ELP1: variants seen among roughly 807,000 people sequenced by gnomAD.
ELP1 encodes the protein elongator acetyltransferase complex subunit 1.
Under a neutral mutation model 183.2 loss-of-function variants are expected in ELP1, and 131 were observed. That is an observed-to-expected ratio of 0.72 (90% CI 0.62 to 0.83). The LOEUF (loss-of-function observed/expected upper bound fraction) is 0.83, where lower values mean the gene tolerates loss of function less well. Among genes scored for constraint, ELP1 ranks in the 40% least tolerant of loss-of-function variants. The probability of loss-of-function intolerance (pLI) is 0.00; values close to 1 mark genes in which losing one functional copy is unlikely to be tolerated. For synonymous variants in ELP1, 555 were observed against 569.0 expected, an observed-to-expected ratio of 0.98 and a Z score of 0.35; for missense variants, 1,550 against 1,594.9, an observed-to-expected ratio of 0.97 and a Z score of 0.48.
Position 108,872,804 on chromosome 9 carries a change from G to GA in ELP1, c.3931+2090dup, listed in dbSNP as rs58139943. On this transcript the variant is annotated intron_variant, in intron 36 of 36. Transcript: ENST00000374647. ...TGGGCCACAGAGCAAGACTCTGTCT[G>GA]AAAAAAAAAAAAAAAAAAAAAAAAA... is the stretch of plus-strand genomic sequence containing the variant. Among the ~76,000 whole-genome samples the GA allele has an allele frequency of 3.1e-3, 255 of 83,328 alleles. 10 individuals are homozygous for GA. Among genetic ancestry groups the GA allele is most frequent in the South Asian group, 6.4e-3 (14 of 2,194 alleles). The allele number at this position is 83,328 out of a possible 152,430, so 54.7% of individuals were successfully genotyped here.
chr9:108,872,571 G>C (rs552857271), intron 36 of ELP1, among the ~76,000 whole-genome samples: 1 of 151,882 alleles, frequency 6.6e-6, no homozygotes. Flanking sequence ...TTGGGAGGCC[G>C]AGGCGGGTGG....
chr9:108,906,429 A>T lies in ELP1; in HGVS notation c.1517T>A (p.Leu506His), dbSNP rs1417134412. 1 of 1,613,966 alleles carries T rather than the reference A, an allele frequency of 6.2e-7. No homozygotes were observed. The highest frequency in any genetic ancestry group is 8.5e-7 in the Non-Finnish European group (1 of 1,179,924). Residue 506 changes from leucine (L) to histidine (H), a missense_variant, in exon 14 of 37, where the codon CTC becomes CAC. By Grantham distance (99) the Leu-to-His change is moderately conservative. Coordinates refer to ENST00000374647, the MANE Select transcript of ELP1 (RefSeq NM_003640.5). Reference protein sequence around the residue: ...QDVNPLKLGLLTWIEEDVFLA... With the variant: ...QDVNPLKLGLHTWIEEDVFLA... ...GAAGACGTCTTCTTCAATCCAAGTG[A>T]GAAGGCCTAGTTTCAGCGGGTTTAC...
At chr9:108,905,868 T>TATACACAC in intron 14 of ELP1, among the ~76,000 whole-genome samples, 1 of 148,064 alleles carries the variant, frequency 6.8e-6, no homozygotes, top group South Asian at 2.2e-4. Context: ...AAGGTATGTA[T>TATACACAC]ACACACACAC....
In ELP1 at chr9:108,869,164, G is replaced by A. The variant is rs1231640330; in HGVS notation, c.3950C>T (p.Pro1317Leu). 1.2e-6 allele frequency: 2 copies of A among 1,613,902 alleles called. No individual in the cohort carries two copies. The highest frequency in any genetic ancestry group is 1.7e-6 in the Non-Finnish European group (2 of 1,179,950). Residue 1317 changes from proline (P) to leucine (L), a missense_variant, in exon 37 of 37, where the codon CCA becomes CTA. Physicochemically the swap from Pro to Leu is moderately conservative, Grantham distance 98. Coordinates refer to ENST00000374647, the MANE Select transcript of ELP1 (RefSeq NM_003640.5). Reference protein sequence around the residue: ...VPVLDAELFIPPKINRRTQWK... With the variant: ...VPVLDAELFILPKINRRTQWK... Reference sequence around the variant, plus strand: ...CTGGGTTCTTCTGTTGATCTTTGGTGGTATAAAAAGCTCAGCATCTAAAAG... The same window carrying A: ...CTGGGTTCTTCTGTTGATCTTTGGTAGTATAAAAAGCTCAGCATCTAAAAG...
At chr9:108,904,671 T>C (rs2793328) in intron 14 of ELP1, among the ~76,000 whole-genome samples, 78,044 of 152,032 alleles carry the variant, frequency 0.51, 20,332 homozygotes, top group East Asian at 0.59. Context: ...AGGCAAGTTA[T>C]CTAACTGCTC....
At chr9:108,910,795 G>A (rs1829184104) in intron 12 of ELP1, among the ~76,000 whole-genome samples, 2 of 149,964 alleles carry the variant, frequency 1.3e-5, no homozygotes, top group South Asian at 4.2e-4. Flanking sequence ...AGTCAGTAAG[G>A]GAAAAGGAAT....
rs769900761 is a variant in ELP1 at position 108,911,065 on chromosome 9, C to T, written c.1305G>A (p.Lys435=). The T allele has an allele frequency of 8.1e-6, 13 of 1,613,956 alleles. No individual in the cohort carries two copies. The highest frequency in any genetic ancestry group is 1.3e-5 in the African/African-American group (1 of 74,888). ...CATCTAGAACAGCAAGGTCATTACT[C>T]TTTTGAGGGTGTGCTAAGAATGTGA... The part of the protein sequence containing the change: ...NQVTFLAHPQ[K]SNDLAVLDAS... The change falls in exon 12 of 37, where the codon AAG becomes AAA. Residue 435 remains lysine, a synonymous_variant. Transcript: ENST00000374647.
chr9:108,928,150 A>G (rs775446302), intron 3 of ELP1, among the ~76,000 whole-genome samples: 4 of 152,226 alleles, frequency 2.6e-5, no homozygotes, highest in Admixed American at 6.5e-5. Flanking sequence ...GCCCATAAAT[A>G]TATGTACCTA....
chr9:108,885,715 C>T (rs1828099070), intron 29 of ELP1, among the ~76,000 whole-genome samples: 1 of 152,180 alleles, frequency 6.6e-6, no homozygotes. Context: ...GAGGCTAAAA[C>T]CAGGGAAAGC....
rs568224876 is a variant in ELP1 at position 108,898,260 on chromosome 9, G to A, written c.2363+242C>T. ...CTAGGAAAAACAAGTAGTTTTATAT[G>A]TATACCTAAAAATCAAGTGAAATAA... On this transcript the variant is annotated intron_variant, in intron 22 of 36. Transcript: ENST00000374647. 2.6e-5 allele frequency among the ~76,000 whole-genome samples: 4 copies of A among 152,266 alleles called. No individual in the cohort carries two copies. In the South Asian group the frequency reaches 6.2e-4, roughly 24 times the overall value.
rs1486667168 is a variant in ELP1 at position 108,901,794 on chromosome 9, T to C, written c.1855-113A>G. On this transcript the variant is annotated intron_variant, in intron 16 of 36. Coordinates refer to ENST00000374647, the MANE Select transcript of ELP1 (RefSeq NM_003640.5). ...TGATTTCACACCTAAGTTCCTGTAA[T>C]CAGGACTAAAGATAGATACCTAAGA... is the stretch of plus-strand genomic sequence containing the variant. The C allele has an allele frequency of 3.9e-6, 4 of 1,026,782 alleles. No individual in the cohort carries two copies. The East Asian group carries it at 1.0e-4, about 26-fold the overall frequency. 63.6% of individuals were successfully genotyped at this position (1,026,782 alleles called of 1,614,324 possible).
At chr9:108,914,081 A>G (rs1829334891) in intron 10 of ELP1, among the ~76,000 whole-genome samples, 1 of 152,154 alleles carries the variant, frequency 6.6e-6, no homozygotes, top group South Asian at 2.1e-4. Context: ...TGAATGAATA[A>G]TGAGTTTCTT....
intron 3 of ELP1, among the ~76,000 whole-genome samples, chr9:108,927,989 C>T (rs905057923): frequency 1.3e-5 from 2 of 152,090 alleles, no homozygotes; most frequent in African/African-American, 4.8e-5. Context: ...AAGGTAACTA[C>T]AGTCAACAGT....
At position 108,897,204 on chromosome 9, in the gene ELP1, T is replaced by C. The variant is rs1269920432; in HGVS notation, c.2445A>G (p.Lys815=). The change falls in exon 23 of 37, where the codon AAA becomes AAG. Residue 815 remains lysine, a synonymous_variant. Coordinates refer to ENST00000374647, the MANE Select transcript of ELP1 (RefSeq NM_003640.5). ...VYLSRDPDGN[K]IDLVCDAMRA... is the part of the protein sequence containing the mutation. ...TCATAGCATCGCAGACAAGGTCTATTTTATTCCCGTCAGGATCCCTGGACA... is the reference window on the plus strand; with the variant it reads ...TCATAGCATCGCAGACAAGGTCTATCTTATTCCCGTCAGGATCCCTGGACA... The C allele has an allele frequency of 1.2e-6, 2 of 1,614,026 alleles. No individual in the cohort carries two copies. Among genetic ancestry groups the C allele is most frequent in the African/African-American group, 2.7e-5 (2 of 74,908 alleles).
Position 108,906,455 on chromosome 9 carries a change from A to G in ELP1, c.1491T>C (p.Asp497=), listed in dbSNP as rs775020540. 76 of 1,613,856 alleles carry G rather than the reference A, an allele frequency of 4.7e-5. No individual in the cohort carries two copies. Among genetic ancestry groups the G allele is most frequent in the Non-Finnish European group, 5.8e-5 (68 of 1,179,832 alleles). ...GAAGGCCTAGTTTCAGCGGGTTTACATCTTGATCTTCATTATTCTCAAACT... is the reference window on the plus strand; with the variant it reads ...GAAGGCCTAGTTTCAGCGGGTTTACGTCTTGATCTTCATTATTCTCAAACT... The part of the protein sequence containing the change: ...KIQFENNEDQ[D]VNPLKLGLLT... Residue 497 remains aspartate, a synonymous_variant, in exon 14 of 37, where the codon GAT becomes GAC. Transcript: ENST00000374647.
rs186957933 is a variant in ELP1 at position 108,917,439 on chromosome 9, C to A, written c.864+108G>T. The A allele has an allele frequency of 6.7e-5, 79 of 1,182,270 alleles. No homozygotes were observed. The East Asian group carries it at 1.9e-3, about 28-fold the overall frequency. The allele number at this position is 1,182,270 out of a possible 1,614,324, so 73.2% of individuals were successfully genotyped here. On this transcript the variant is annotated intron_variant, in intron 9 of 36. Coordinates refer to ENST00000374647, the MANE Select transcript of ELP1 (RefSeq NM_003640.5). ...CCGAGATTGCACTATCGCACTCCAA[C>A]CTGGGCAACAAGAATGAAACTCCAT... is the stretch of plus-strand genomic sequence containing the variant.
intron 1 of ELP1, among the ~76,000 whole-genome samples, chr9:108,933,264 T>G (rs950329501): frequency 2.6e-5 from 4 of 152,248 alleles, no homozygotes; most frequent in African/African-American, 9.6e-5. Flanking sequence ...GCTGCCTTTT[T>G]GCTTACTCTT....
intron 1 of ELP1, among the ~76,000 whole-genome samples, chr9:108,932,712 C>T (rs1830038270): frequency 6.6e-6 from 1 of 152,078 alleles, no homozygotes; most frequent in Non-Finnish European, 1.5e-5. Flanking sequence ...ACCCATCAGC[C>T]TTATTCCCTT....
At chr9:108,879,010 G>A (rs976082501) in intron 33 of ELP1, among the ~76,000 whole-genome samples, 3 of 152,114 alleles carry the variant, frequency 2.0e-5, no homozygotes, top group African/African-American at 4.8e-5. Context: ...TACCATATGA[G>A]TGCTGAATAA....
Sources: allele counts gnomAD v4.1 joint callset (sites outside exome capture counted in the v4.1 genomes callset), GRCh38; gene constraint gnomAD v4.1.1; transcripts MANE v1.5; gene names NCBI Gene and HGNC (gene_info 2026-07-23, HGNC 2026-07-21).